Variants in TBL1X observed in about 807,000 individuals in gnomAD.
TBL1X encodes F-box-like/WD repeat-containing protein TBL1X.
In TBL1X, 10 loss-of-function variants were observed where a neutral mutation model predicts 50.7. The ratio of observed to expected loss-of-function variants is 0.20; its 90% CI spans 0.12 to 0.33. The LOEUF (loss-of-function observed/expected upper bound fraction) is 0.33, where lower values mean the gene tolerates loss of function less well. Among genes scored for constraint, TBL1X ranks in the 10% least tolerant of loss-of-function variants. The pLI is 1.00. For synonymous variants in TBL1X, 190 were observed against 214.7 expected, an observed-to-expected ratio of 0.88 and a Z score of 1.01; for missense variants, 340 against 504.4, an observed-to-expected ratio of 0.67 and a Z score of 3.12.
chrX:9,524,192 TC>T (rs1271512627), intron 2 of TBL1X, among the ~76,000 whole-genome samples: 11 of 111,351 alleles, frequency 9.9e-5, no homozygotes, highest in African/African-American at 3.6e-4. Context: ...GGTCTCAAAC[TC>T]CTGACCTCAG....
intron 12 of TBL1X, among the ~76,000 whole-genome samples, chrX:9,701,918 C>A (rs1161863475): frequency 8.9e-6 from 1 of 111,986 alleles, no homozygotes; most frequent in African/African-American, 3.2e-5. Flanking sequence ...AAGAGATGAT[C>A]TCAGATGTGG....
chrX:9,711,558 C>T, intron 15 of TBL1X, 53 bp from the exon 16 acceptor site: 1 of 1,076,058 alleles, frequency 9.3e-7, no homozygotes, highest in Non-Finnish European at 1.2e-6. Context: ...TTATGGAGAA[C>T]TGTTTGAAAC....
At chrX:9,701,354 G>GT (rs1278002432) in intron 12 of TBL1X, among the ~76,000 whole-genome samples, 2 of 109,624 alleles carry the variant, frequency 1.8e-5, no homozygotes, top group Non-Finnish European at 3.8e-5. Flanking sequence ...GAGGCCCCCA[G>GT]TGTAGCTCAG....
intron 2 of TBL1X, among the ~76,000 whole-genome samples, chrX:9,604,938 G>A (rs189436546): frequency 2.7e-5 from 3 of 111,022 alleles, no homozygotes; most frequent in Admixed American, 1.9e-4. Context: ...GGAGAGGCTT[G>A]GGCGCGAACT....
intron 2 of TBL1X, among the ~76,000 whole-genome samples, chrX:9,549,246 G>A (rs769727581): frequency 4.2e-4 from 47 of 112,509 alleles, no homozygotes; most frequent in South Asian, 3.6e-3. Flanking sequence ...GGGGGTCCAC[G>A]TCCACTGTGC....
At chrX:9,604,787 C>T (rs2082574666) in intron 2 of TBL1X, among the ~76,000 whole-genome samples, 3 of 110,837 alleles carry the variant, frequency 2.7e-5, no homozygotes, top group Admixed American at 1.9e-4. Context: ...CAGCCACCAG[C>T]GGGGCTTCTG....
rs182596584 is a variant in TBL1X at position 9,603,618 on chromosome X, C to T, written c.-130-36655C>T. Among the ~76,000 whole-genome samples, 7 of 111,616 alleles carry T rather than the reference C, an allele frequency of 6.3e-5. No individual in the cohort carries two copies. The East Asian group carries it at 1.7e-3, about 27-fold the overall frequency. On this transcript the variant is annotated intron_variant, in intron 2 of 17. Transcript: ENST00000645353. Reference sequence around the variant, plus strand: ...CAGGACTAGAGCTCAGTAGAGGGGCCGTTTCCTACCTGCAGTTCCCTTGGA... The same window carrying T: ...CAGGACTAGAGCTCAGTAGAGGGGCTGTTTCCTACCTGCAGTTCCCTTGGA...
intron 1 of TBL1X, among the ~76,000 whole-genome samples, chrX:9,486,811 A>G (rs956289668): frequency 2.7e-4 from 30 of 111,616 alleles, no homozygotes; most frequent in South Asian, 7.5e-4. Context: ...AATGTTTTGC[A>G]GTTTGACTTT....
intron 1 of TBL1X, among the ~76,000 whole-genome samples, chrX:9,491,338 A>ATATATATATATATATATATAT (rs1328551249): frequency 1.3e-4 from 4 of 31,304 alleles, no homozygotes; most frequent in Non-Finnish European, 2.3e-4. Flanking sequence ...ATATATATAT[A>ATATATATATATATATATATAT]TTTTTTTTTT....
chrX:9,594,971 C>T (rs1054232932), intron 2 of TBL1X, among the ~76,000 whole-genome samples: 1 of 112,034 alleles, frequency 8.9e-6, no homozygotes, highest in Non-Finnish European at 1.9e-5. Context: ...TCTCAAGTAG[C>T]GATCTTGGAG....
At chrX:9,703,066 A>G (rs1401199943) in intron 12 of TBL1X, among the ~76,000 whole-genome samples, 1 of 111,541 alleles carries the variant, frequency 9.0e-6, no homozygotes, top group African/African-American at 3.3e-5. Flanking sequence ...TTCACATGTA[A>G]TGGAGCACAG....
intron 2 of TBL1X, among the ~76,000 whole-genome samples, chrX:9,611,301 ACT>A (rs888606722): frequency 1.4e-4 from 16 of 111,791 alleles, no homozygotes; most frequent in African/African-American, 4.9e-4. Flanking sequence ...CAAGCAAAAC[ACT>A]CTGTCTTCAT....
intron 2 of TBL1X, among the ~76,000 whole-genome samples, chrX:9,568,697 G>A (rs1276874222): frequency 8.4e-5 from 9 of 106,877 alleles, no homozygotes; most frequent in African/African-American, 2.4e-4. Context: ...CTGATGTGCT[G>A]TGTGTGTTGT....
chrX:9,536,270 T>TA (rs2082187147), intron 2 of TBL1X, among the ~76,000 whole-genome samples: 3 of 109,720 alleles, frequency 2.7e-5, no homozygotes, highest in Non-Finnish European at 5.7e-5. Context: ...TTTTTTTTTT[T>TA]AGATGGAGTC....
intron 5 of TBL1X, among the ~76,000 whole-genome samples, chrX:9,665,542 A>G (rs1224596577): frequency 1.1e-4 from 4 of 37,680 alleles, no homozygotes; most frequent in Admixed American, 8.0e-4. Flanking sequence ...TATATATAAA[A>G]GGCCTTGGTG....
At chrX:9,640,865 A>T (rs1351543193) in intron 3 of TBL1X, among the ~76,000 whole-genome samples, 12 of 111,549 alleles carry the variant, frequency 1.1e-4, no homozygotes. Flanking sequence ...AACTGAGCTC[A>T]AGTGATCCGC....
chrX:9,649,418 C>G (rs1227845654), intron 3 of TBL1X, among the ~76,000 whole-genome samples: 2 of 111,858 alleles, frequency 1.8e-5, no homozygotes, highest in African/African-American at 6.5e-5. Flanking sequence ...GTTTTGTTTT[C>G]TCTTCTGCTT....
At chrX:9,465,706 G>A (rs1351187208) in intron 1 of TBL1X, among the ~76,000 whole-genome samples, 1 of 113,003 alleles carries the variant, frequency 8.8e-6, no homozygotes, top group Non-Finnish European at 1.9e-5. Context: ...GGGGAGAGAC[G>A]GAGGTCGGCG....
At position 9,648,992 on chromosome X, in the gene TBL1X, C is replaced by T. The variant is rs764750249; in HGVS notation, c.-42-4553C>T. On this transcript the variant is annotated intron_variant, in intron 3 of 17. Transcript: ENST00000645353. ...CAGGAGACTCACTTGAGTCAAAAAA[C>T]TGAAGAAGATCCATGAAAACAACCA... is the stretch of plus-strand genomic sequence containing the variant. Among the ~76,000 whole-genome samples, 10 of 111,706 alleles carry T rather than the reference C, an allele frequency of 9.0e-5. No individual in the cohort carries two copies. The South Asian group carries it at 3.7e-3, about 42-fold the overall frequency.
Sources: gnomAD v4.1 joint callset for allele counts (sites outside exome capture counted in the v4.1 genomes callset) on GRCh38, gnomAD v4.1.1 for gene constraint, MANE v1.5 for transcripts, NCBI Gene and HGNC (gene_info 2026-07-23, HGNC 2026-07-21) for gene names.